The following IMMP2L variants were observed in gnomAD, a reference collection of about 807,000 sequenced individuals.
IMMP2L encodes the protein inner mitochondrial membrane peptidase subunit 2.
Under a neutral mutation model 19.3 loss-of-function variants are expected in IMMP2L, and 18 were observed. The ratio of observed to expected loss-of-function variants is 0.93; its 90% CI spans 0.64 to 1.38. IMMP2L has a LOEUF of 1.38. IMMP2L is among the 40% of genes most tolerant of loss of function. The pLI is 0.00. For synonymous variants in IMMP2L, 76 were observed against 73.0 expected (o/e 1.04, Z -0.21); for missense variants, 233 against 218.2 (o/e 1.07, Z -0.43).
chr7:111,433,020 G>C (rs142544043), intron 3 of IMMP2L, among the ~76,000 whole-genome samples: 1 of 151,488 alleles, frequency 6.6e-6, no homozygotes, highest in Non-Finnish European at 1.5e-5. Flanking sequence ...ACTATCTGTT[G>C]TATTAGTCAA....
chr7:111,509,615 T>G (rs10264707), intron 2 of IMMP2L, among the ~76,000 whole-genome samples: 1 of 152,274 alleles, frequency 6.6e-6, no homozygotes, highest in African/African-American at 2.4e-5. Flanking sequence ...CACATAATGA[T>G]AGTAATTACA....
intron 5 of IMMP2L, among the ~76,000 whole-genome samples, chr7:110,831,767 C>T (rs1001083285): frequency 2.0e-5 from 3 of 152,172 alleles, no homozygotes; most frequent in African/African-American, 7.2e-5. Flanking sequence ...GCAGAATCTT[C>T]ATTTGTTCTC....
intron 5 of IMMP2L, among the ~76,000 whole-genome samples, chr7:110,777,678 C>T (rs1799483651): frequency 1.3e-5 from 2 of 151,884 alleles, no homozygotes; most frequent in Admixed American, 6.6e-5. Context: ...ATTAATTTTG[C>T]TACAATATGT....
chr7:110,934,894 G>A (rs531330331), intron 4 of IMMP2L, among the ~76,000 whole-genome samples: 1 of 152,224 alleles, frequency 6.6e-6, no homozygotes, highest in South Asian at 2.1e-4. Flanking sequence ...GTGTGTCTTT[G>A]CATGTAAGAT....
chr7:110,807,548 G>A (rs1801717331), intron 5 of IMMP2L, among the ~76,000 whole-genome samples: 1 of 151,828 alleles, frequency 6.6e-6, no homozygotes, highest in South Asian at 2.1e-4. Flanking sequence ...GATAATTTCA[G>A]ATAAATTACT....
rs544735436 is a variant in IMMP2L, at chr7:110,903,935, T to C, written c.306-17240A>G. ...TCATCCTCACAAGTGTGAGGTGGTA[T>C]CTCGTTGTGGTTTTGATTTGCATTT... On this transcript the variant is annotated intron_variant, in intron 4 of 5. Coordinates refer to ENST00000405709, the MANE Select transcript of IMMP2L (RefSeq NM_032549.4). Among the ~76,000 whole-genome samples the C allele has an allele frequency of 2.0e-5, 3 of 152,194 alleles. No individual in the cohort carries two copies. In the South Asian group the frequency reaches 6.2e-4, roughly 32 times the overall value.
At chr7:111,316,845 CTTTT>C (rs869155077) in intron 3 of IMMP2L, among the ~76,000 whole-genome samples, 53 of 75,904 alleles carry the variant, frequency 7.0e-4, no homozygotes, top group African/African-American at 2.6e-3. Flanking sequence ...TTTTTTTTTT[CTTTT>C]TTTTTTTTTT....
intron 3 of IMMP2L, among the ~76,000 whole-genome samples, chr7:111,404,147 C>T (rs37682): frequency 0.56 from 84,918 of 151,768 alleles, 24,473 homozygotes; most frequent in South Asian, 0.7. Flanking sequence ...CTAGTCAATC[C>T]ATTTTTTATA....
chr7:111,025,985 T>C (rs1826768971), intron 3 of IMMP2L, among the ~76,000 whole-genome samples: 1 of 151,824 alleles, frequency 6.6e-6, no homozygotes. Context: ...TGTTCTTCTC[T>C]ATCTGATAGA....
chr7:110,856,872 A>G (rs1806838235), intron 5 of IMMP2L, among the ~76,000 whole-genome samples: 1 of 152,030 alleles, frequency 6.6e-6, no homozygotes, highest in Admixed American at 6.6e-5. Context: ...AGAGGCAGGG[A>G]GTCCTGGGAG....
intron 5 of IMMP2L, among the ~76,000 whole-genome samples, chr7:110,720,093 G>C (rs1381235558): frequency 2.0e-5 from 3 of 152,128 alleles, no homozygotes; most frequent in Non-Finnish European, 2.9e-5. Context: ...CGGGAAATTA[G>C]CTGAGAGGAG....
intron 3 of IMMP2L, among the ~76,000 whole-genome samples, chr7:111,453,522 A>G (rs986911219): frequency 2.2e-4 from 34 of 152,182 alleles, no homozygotes; most frequent in African/African-American, 8.2e-4. Flanking sequence ...GCATTGTTTC[A>G]TATCGGTATC....
intron 3 of IMMP2L, among the ~76,000 whole-genome samples, chr7:111,011,537 G>T (rs1315297060): frequency 3.9e-5 from 6 of 152,078 alleles, no homozygotes; most frequent in African/African-American, 1.4e-4. Flanking sequence ...GGGGAGGGAG[G>T]CAATAAATGG....
At chr7:111,125,958 G>T (rs1434472514) in intron 3 of IMMP2L, among the ~76,000 whole-genome samples, 1 of 151,786 alleles carries the variant, frequency 6.6e-6, no homozygotes, top group Admixed American at 6.6e-5. Context: ...GAGTAGCTGG[G>T]ATTACAGGCA....
At chr7:111,402,656 T>G (rs978697217) in intron 3 of IMMP2L, among the ~76,000 whole-genome samples, 8 of 152,150 alleles carry the variant, frequency 5.3e-5, no homozygotes, top group African/African-American at 9.6e-5. Context: ...GAGGTTACAG[T>G]GAGCCAAGAT....
intron 3 of IMMP2L, among the ~76,000 whole-genome samples, chr7:111,010,136 A>T (rs1249637028): frequency 2.0e-5 from 3 of 152,192 alleles, no homozygotes; most frequent in Non-Finnish European, 4.4e-5. Flanking sequence ...TAAAAAGTAA[A>T]GAGAAACCTA....
At chr7:111,367,545 T>C (rs751010293) in intron 3 of IMMP2L, among the ~76,000 whole-genome samples, 6 of 151,904 alleles carry the variant, frequency 3.9e-5, no homozygotes, top group African/African-American at 7.2e-5. Flanking sequence ...ATAGCTAACA[T>C]TTATTGCTTA....
intron 3 of IMMP2L, among the ~76,000 whole-genome samples, chr7:111,168,563 G>T (rs1420149111): frequency 6.6e-6 from 1 of 151,818 alleles, no homozygotes; most frequent in East Asian, 1.9e-4. Flanking sequence ...ATGCTAAATT[G>T]ATTTTGCTTT....
At chr7:110,809,697 T>A (rs944631071) in intron 5 of IMMP2L, among the ~76,000 whole-genome samples, 2 of 152,032 alleles carry the variant, frequency 1.3e-5, no homozygotes, top group African/African-American at 2.4e-5. Flanking sequence ...AAAATGAAGT[T>A]CTTCAAAACC....
Sources: allele counts gnomAD v4.1 joint callset (sites outside exome capture counted in the v4.1 genomes callset), GRCh38; gene constraint gnomAD v4.1.1; transcripts MANE v1.5; gene names NCBI Gene and HGNC (gene_info 2026-07-23, HGNC 2026-07-21).